The following PTPRG variants were observed in gnomAD, a reference collection of about 807,000 sequenced individuals.
PTPRG encodes the protein protein tyrosine phosphatase receptor type G, also known as receptor-type tyrosine-protein phosphatase gamma.
A neutral mutation model predicts 165.3 loss-of-function variants in PTPRG; 102 were observed. That is an observed-to-expected ratio of 0.62 (90% CI 0.53 to 0.73). The LOEUF (loss-of-function observed/expected upper bound fraction) is 0.73. PTPRG is among the 30% of genes least tolerant of loss of function. The pLI is 0.00. For synonymous variants in PTPRG, 675 were observed against 669.5 expected (o/e 1.01, Z -0.13); for missense variants, 1,866 against 1,861.4 (o/e 1.00, Z -0.05).
chr3:61,719,255 A>G (rs769488534), intron 1 of PTPRG, among the ~76,000 whole-genome samples: 4 of 152,242 alleles, frequency 2.6e-5, no homozygotes, highest in Non-Finnish European at 5.9e-5. Flanking sequence ...ATTTTCTATG[A>G]AGATGTAATC....
At chr3:61,851,944 C>CT (rs2036975947) in intron 2 of PTPRG, among the ~76,000 whole-genome samples, 1 of 152,066 alleles carries the variant, frequency 6.6e-6, no homozygotes, top group Non-Finnish European at 1.5e-5. Flanking sequence ...TCTAGATTGG[C>CT]TGACCCTCAG....
chr3:62,262,840 C>T lies in PTPRG; in HGVS notation c.2602C>T (p.His868Tyr), dbSNP rs1381039545. ...CTADMNITAE[H>Y]SNHPENKHKN... ...TGCTGATATGAACATCACTGCAGAG[C>T]ATTCCAATCATCCAGAAAACAAGCA... Residue 868 changes from histidine (H) to tyrosine (Y), a missense_variant, in exon 17 of 30, where the codon CAT becomes TAT. Around this residue, in one of 3 missense-constraint regions of PTPRG, gnomAD observed 1,452 missense variants for 1,463.0 expected, o/e 0.99. Coordinates refer to ENST00000474889, the MANE Select transcript of PTPRG (RefSeq NM_002841.4). 6.2e-7 allele frequency: 1 copy of T among 1,613,892 alleles called. No homozygotes were observed. The highest frequency in any genetic ancestry group is 8.5e-7 in the Non-Finnish European group (1 of 1,179,844).
intron 1 of PTPRG, among the ~76,000 whole-genome samples, chr3:61,729,442 G>C (rs937922683): frequency 6.6e-6 from 1 of 152,044 alleles, no homozygotes; most frequent in Admixed American, 6.6e-5. Context: ...GTTTGCTCTG[G>C]GTTGATTTAG....
intron 1 of PTPRG, among the ~76,000 whole-genome samples, chr3:61,647,554 G>A (rs1702235029): frequency 1.3e-5 from 2 of 152,112 alleles, no homozygotes. Flanking sequence ...ACTTTGGGAG[G>A]CCGAGGCGGG....
rs368764387 is a variant in PTPRG at position 61,836,999 on chromosome 3, C to T, written c.190+88017C>T. On this transcript the variant is annotated intron_variant, in intron 2 of 29. Transcript: ENST00000474889. ...AATCTCGGCTTACTGCAGCCTTCAC[C>T]TCCTGGGTTAAAGCGATTCTCCTGT... 1.5e-4 allele frequency among the ~76,000 whole-genome samples: 23 copies of T among 152,266 alleles called. No homozygotes were observed. The East Asian group carries it at 3.7e-3, about 24-fold the overall frequency.
chr3:61,589,359 T>C (rs575495368), intron 1 of PTPRG, among the ~76,000 whole-genome samples: 42 of 152,220 alleles, frequency 2.8e-4, no homozygotes, highest in African/African-American at 3.4e-4. Flanking sequence ...TTGAATGATA[T>C]GTTCCAGGTC....
intron 2 of PTPRG, among the ~76,000 whole-genome samples, chr3:61,919,721 A>G (rs954271368): frequency 1.3e-5 from 2 of 151,848 alleles, no homozygotes; most frequent in African/African-American, 4.8e-5. Flanking sequence ...TTTTTCTCTG[A>G]TTGATTTATC....
intron 4 of PTPRG, among the ~76,000 whole-genome samples, chr3:62,014,756 T>C (rs2041500867): frequency 1.3e-5 from 2 of 152,216 alleles, no homozygotes; most frequent in Admixed American, 1.3e-4. Context: ...TTCATCATCA[T>C]TCTTTGTGTC....
intron 1 of PTPRG, among the ~76,000 whole-genome samples, chr3:61,568,711 C>A (rs1699985550): frequency 6.6e-6 from 1 of 151,982 alleles, no homozygotes; most frequent in Admixed American, 6.6e-5. Flanking sequence ...AGATTGAGAC[C>A]ATCCTGGCCA....
chr3:62,151,871 C>T (rs1021918814), intron 6 of PTPRG, among the ~76,000 whole-genome samples: 2 of 152,122 alleles, frequency 1.3e-5, no homozygotes, highest in African/African-American at 4.8e-5. Context: ...CCTAAGCTCT[C>T]ACCTGATGTT....
chr3:61,940,680 T>G lies in PTPRG; in HGVS notation c.191-48945T>G, dbSNP rs1295481856. 2.0e-5 allele frequency among the ~76,000 whole-genome samples: 3 copies of G among 150,546 alleles called. No individual in the cohort carries two copies. The East Asian group carries it at 6.0e-4, about 30-fold the overall frequency. The stretch of plus-strand genomic sequence containing the variant: ...TTATTTATTTATTTATTTTTTATTT[T>G]TTTGACAGAGTCTCGCTCTGTTGGC... On this transcript the variant is annotated intron_variant, in intron 2 of 29. Transcript: ENST00000474889.
intron 2 of PTPRG, among the ~76,000 whole-genome samples, chr3:61,948,217 C>T (rs1052378912): frequency 2.0e-5 from 3 of 152,000 alleles, no homozygotes; most frequent in African/African-American, 7.3e-5. Context: ...CCCAGCTACT[C>T]GAGAGGCTGA....
At chr3:61,812,377 A>G (rs541025602) in intron 2 of PTPRG, among the ~76,000 whole-genome samples, 4 of 152,052 alleles carry the variant, frequency 2.6e-5, no homozygotes, top group East Asian at 3.9e-4. Flanking sequence ...GATGTGATCA[A>G]TTTTTCTTTT....
At chr3:61,816,374 A>C (rs1361817601) in intron 2 of PTPRG, among the ~76,000 whole-genome samples, 1 of 152,136 alleles carries the variant, frequency 6.6e-6, no homozygotes, top group Non-Finnish European at 1.5e-5. Flanking sequence ...TGCTAAAAAT[A>C]CAAAAAAAAT....
At chr3:61,950,397 C>G (rs1317083593) in intron 2 of PTPRG, among the ~76,000 whole-genome samples, 1 of 152,106 alleles carries the variant, frequency 6.6e-6, no homozygotes, top group Non-Finnish European at 1.5e-5. Flanking sequence ...GAAGTTGTAT[C>G]TTATGTTTTT....
chr3:61,949,841 G>A (rs1447102422), intron 2 of PTPRG, among the ~76,000 whole-genome samples: 2 of 151,836 alleles, frequency 1.3e-5, no homozygotes, highest in Non-Finnish European at 2.9e-5. Flanking sequence ...TCCACCTCCT[G>A]GGTTCAAGCA....
intron 16 of PTPRG, among the ~76,000 whole-genome samples, chr3:62,259,955 T>C (rs768036347): frequency 9.9e-5 from 15 of 152,088 alleles, no homozygotes; most frequent in Non-Finnish European, 1.9e-4. Context: ...TAAGGGAATG[T>C]GGAATCTCTC....
intron 1 of PTPRG, among the ~76,000 whole-genome samples, chr3:61,599,759 G>T (rs1700799964): frequency 6.6e-6 from 1 of 151,968 alleles, no homozygotes; most frequent in Non-Finnish European, 1.5e-5. Flanking sequence ...CTCCCAAAGT[G>T]CTAGGATAAT....
chr3:61,578,380 A>G (rs1258411809), intron 1 of PTPRG, among the ~76,000 whole-genome samples: 2 of 152,222 alleles, frequency 1.3e-5, no homozygotes, highest in African/African-American at 4.8e-5. Flanking sequence ...TATTTCATGA[A>G]TAGCCAAGCT....
Sources: gnomAD v4.1 joint callset for allele counts (sites outside exome capture counted in the v4.1 genomes callset) on GRCh38, gnomAD v4.1.1 for gene constraint, gnomAD v4.1.1 regional missense constraint, MANE v1.5 for transcripts, NCBI Gene and HGNC (gene_info 2026-07-23, HGNC 2026-07-21) for gene names.